Variants in FKBP5 observed in about 807,000 individuals in gnomAD.
FKBP5 encodes FKBP prolyl isomerase 5, also known as peptidyl-prolyl cis-trans isomerase FKBP5.
Under a neutral mutation model 50.5 loss-of-function variants are expected in FKBP5, and 23 were observed. The ratio of observed to expected loss-of-function variants is 0.46; its 90% CI spans 0.33 to 0.65. The LOEUF (loss-of-function observed/expected upper bound fraction) is 0.65. FKBP5 is among the 30% of genes least tolerant of loss of function. The pLI, the probability that FKBP5 is intolerant of heterozygous loss-of-function variation, is 0.02. For missense variants in FKBP5, 411 were observed against 553.1 expected (o/e 0.74, Z 2.58); for synonymous variants, 176 against 190.6 (o/e 0.92, Z 0.63).
intron 1 of FKBP5, among the ~76,000 whole-genome samples, chr6:35,684,728 C>T (rs897707207): frequency 2.6e-5 from 4 of 152,132 alleles, no homozygotes; most frequent in Non-Finnish European, 5.9e-5. Flanking sequence ...CAAATGTTTT[C>T]CAAGAGGCTA....
At chr6:35,617,123 A>C (rs895484132) in intron 5 of FKBP5, among the ~76,000 whole-genome samples, 1 of 152,106 alleles carries the variant, frequency 6.6e-6, no homozygotes, top group African/African-American at 2.4e-5. Flanking sequence ...GGTATTCTAC[A>C]TTTAAAGCTC....
chr6:35,674,782 G>A (rs765688413), intron 1 of FKBP5, among the ~76,000 whole-genome samples: 1 of 152,184 alleles, frequency 6.6e-6, no homozygotes, highest in Non-Finnish European at 1.5e-5. Context: ...CTGTCAACTT[G>A]CTAATTAGTC....
rs550974924 is a variant in FKBP5, at chr6:35,574,226, A to C, written c.*1609T>G. 8 of 152,344 alleles carry C rather than the reference A, an allele frequency of 5.3e-5. No homozygotes were observed. In the East Asian group the frequency reaches 1.2e-3, roughly 22 times the overall value. The allele number at this position is 152,344 out of a possible 1,614,324, so 9.4% of individuals were successfully genotyped here. ...TTCCATGGGGAAGAAAAGTATTATA[A>C]AAGGAAATAACTTGATTTTTAGGTT... is the stretch of plus-strand genomic sequence containing the variant. On this transcript the variant is annotated 3_prime_UTR_variant, in exon 11 of 11. Transcript: ENST00000357266.
At chr6:35,610,813 T>C (rs181498586) in intron 5 of FKBP5, among the ~76,000 whole-genome samples, 1 of 151,278 alleles carries the variant, frequency 6.6e-6, no homozygotes, top group Admixed American at 6.6e-5. Flanking sequence ...TCTGGGAGTT[T>C]AAAAAAAAAT....
chr6:35,586,945 CA>C (rs751959645), intron 8 of FKBP5, 88 bp downstream of exon 8: 1 of 1,582,076 alleles, frequency 6.3e-7, no homozygotes. Flanking sequence ...GCAGTGTTGA[CA>C]AAATTCAGAG....
chr6:35,597,401 TGGACTGAG>T lies in FKBP5; in HGVS notation c.509-5_511del. 1 of 1,613,472 alleles carries T rather than the reference TGGACTGAG, an allele frequency of 6.2e-7. No individual in the cohort carries two copies. The highest frequency in any genetic ancestry group is 8.5e-7 in the Non-Finnish European group (1 of 1,179,816). ...CCTTCCACCACAGCGGCCTTCCAGG[TGGACTGAG>T]GGCAAGGAGACAGGAGAGTCAACAG... On this transcript the variant is annotated splice_acceptor_variant and splice_polypyrimidine_tract_variant and coding_sequence_variant and intron_variant, in exon 6 of 11. Coordinates refer to ENST00000357266, the MANE Select transcript of FKBP5 (RefSeq NM_004117.4). LOFTEE classifies it high-confidence loss of function.
At chr6:35,701,223 G>GTTTTT (rs71002592) in intron 2 of FKBP5, among the ~76,000 whole-genome samples, 2 of 148,298 alleles carry the variant, frequency 1.3e-5, no homozygotes, top group African/African-American at 4.9e-5. Context: ...TTGTTTGTTT[G>GTTTTT]TTTGTTTTTG....
At chr6:35,680,021 GATTA>G (rs2151009664) in intron 1 of FKBP5, among the ~76,000 whole-genome samples, 1 of 151,970 alleles carries the variant, frequency 6.6e-6, no homozygotes, top group South Asian at 2.1e-4. Flanking sequence ...GAATATCAAT[GATTA>G]ATTTGTTGAA....
At chr6:35,639,507 G>A (rs1260691274) in intron 2 of FKBP5, among the ~76,000 whole-genome samples, 1 of 152,158 alleles carries the variant, frequency 6.6e-6, no homozygotes, top group African/African-American at 2.4e-5. Flanking sequence ...CTCTGGGCAT[G>A]GGCACTCTGA....
At chr6:35,675,322 A>T (rs1765497654) in intron 1 of FKBP5, among the ~76,000 whole-genome samples, 1 of 152,218 alleles carries the variant, frequency 6.6e-6, no homozygotes, top group African/African-American at 2.4e-5. Context: ...CTACAGATAT[A>T]GCATTTTGGG....
intron 9 of FKBP5, among the ~76,000 whole-genome samples, chr6:35,578,811 T>TTGCCAAAGA (rs1314878889): frequency 6.6e-6 from 1 of 151,536 alleles, no homozygotes; most frequent in Non-Finnish European, 1.5e-5. Flanking sequence ...AGGCTTCCTA[T>TTGCCAAAGA]TGCCAAAGAT....
At chr6:35,654,756 C>G (rs777509805) in intron 1 of FKBP5, among the ~76,000 whole-genome samples, 2 of 152,204 alleles carry the variant, frequency 1.3e-5, no homozygotes, top group African/African-American at 2.4e-5. Flanking sequence ...TCCTGAGTAG[C>G]TGGGATTACA....
chr6:35,585,951 A>G (rs1422085889), intron 8 of FKBP5: 3 of 984,642 alleles, frequency 3.0e-6, no homozygotes, highest in Non-Finnish European at 3.6e-6. Context: ...CCTCCTGACA[A>G]GGTTGTAACT....
intron 5 of FKBP5, among the ~76,000 whole-genome samples, chr6:35,616,078 TGAG>T (rs1455719019): frequency 6.6e-6 from 1 of 152,120 alleles, no homozygotes; most frequent in African/African-American, 2.4e-5. Context: ...TTTGGGAGGC[TGAG>T]GCGGGTGTAT....
At chr6:35,576,908 G>GGTT in intron 10 of FKBP5, 86 bp downstream of exon 10, 1 of 1,497,038 alleles carries the variant, frequency 6.7e-7, no homozygotes, top group Non-Finnish European at 9.1e-7. Flanking sequence ...GAGCCTCTTG[G>GGTT]GTTGTTTAGC....
At chr6:35,597,505 T>A in intron 5 of FKBP5, 101 bp from the exon 6 acceptor site, 2 of 1,328,670 alleles carry the variant, frequency 1.5e-6, no homozygotes, top group Non-Finnish European at 2.0e-6. Context: ...AAATACCATT[T>A]CCCCTTTCTC....
At chr6:35,692,548 C>CA (rs370963795), upstream of FKBP5, among the ~76,000 whole-genome samples, 337 of 152,210 alleles carry the variant, frequency 2.2e-3, 1 homozygote, top group Middle Eastern at 6.8e-3. Flanking sequence ...CCTATAATCC[C>CA]AGCACTTTGG....
chr6:35,684,719 A>G (rs1765774061), intron 1 of FKBP5, among the ~76,000 whole-genome samples: 1 of 152,176 alleles, frequency 6.6e-6, no homozygotes, highest in African/African-American at 2.4e-5. Context: ...TTCATTAACC[A>G]AATGTTTTCC....
In FKBP5 at chr6:35,688,905, C is replaced by A. The variant is rs1398239677; in HGVS notation, c.-121G>T. 6.6e-6 allele frequency: 1 copy of A among 151,220 alleles called. No individual in the cohort carries two copies. The highest frequency in any genetic ancestry group is 1.5e-5 in the Non-Finnish European group (1 of 68,016). 9.4% of individuals were successfully genotyped at this position (151,220 alleles called of 1,614,324 possible). A position where few individuals can be genotyped will look rare whatever the true frequency, so the allele number is the denominator to read the frequency against. On this transcript the variant is annotated 5_prime_UTR_variant, in exon 1 of 11. Transcript: ENST00000357266. ...AGGCCGCCCGCGCGCCGGACACCGC[C>A]GCCCGAGACTGGCAGCGCCCGCGAG... is the stretch of plus-strand genomic sequence containing the variant.
Sources: allele counts gnomAD v4.1 joint callset (sites outside exome capture counted in the v4.1 genomes callset), GRCh38; gene constraint gnomAD v4.1.1; transcripts MANE v1.5; gene names NCBI Gene and HGNC (gene_info 2026-07-23, HGNC 2026-07-21).